Variants in CPA6 observed in about 807,000 individuals in gnomAD.
CPA6 encodes the protein carboxypeptidase A6, also known as carboxypeptidase B.
Under a neutral mutation model 63.3 loss-of-function variants are expected in CPA6, and 58 were observed. The ratio of observed to expected loss-of-function variants is 0.92; its 90% CI spans 0.74 to 1.14. The LOEUF (loss-of-function observed/expected upper bound fraction) is 1.14, where lower values mean the gene tolerates loss of function less well. CPA6 is among the 50% of genes most tolerant of loss of function. The probability of loss-of-function intolerance (pLI) is 0.00; values close to 1 mark genes in which losing one functional copy is unlikely to be tolerated. For missense variants in CPA6, 565 were observed against 526.6 expected, an observed-to-expected ratio of 1.07 and a Z score of -0.71; for synonymous variants, 185 against 179.0, an observed-to-expected ratio of 1.03 and a Z score of -0.27.
chr8:67,528,780 G>A (rs998128620), intron 2 of CPA6, among the ~76,000 whole-genome samples: 9 of 151,664 alleles, frequency 5.9e-5, no homozygotes, highest in African/African-American at 9.7e-5. Flanking sequence ...TAAAACCACC[G>A]CCACTTGTTC....
intron 2 of CPA6, among the ~76,000 whole-genome samples, chr8:67,616,632 C>T (rs1449560062): frequency 6.6e-6 from 1 of 151,930 alleles, no homozygotes; most frequent in Non-Finnish European, 1.5e-5. Context: ...TTACCATTCT[C>T]TCACTAAGCA....
chr8:67,505,002 G>A (rs143789138), intron 6 of CPA6, among the ~76,000 whole-genome samples: 115 of 152,294 alleles, frequency 7.6e-4, no homozygotes, highest in African/African-American at 2.6e-3. Flanking sequence ...ACTGCCCTCA[G>A]TTGACAGTCA....
At chr8:67,681,735 T>C (rs991738442) in intron 1 of CPA6, among the ~76,000 whole-genome samples, 5 of 152,220 alleles carry the variant, frequency 3.3e-5, no homozygotes, top group African/African-American at 1.2e-4. Flanking sequence ...TTTCCATTCC[T>C]GAATTATCTA....
At chr8:67,486,291 C>T (rs1325924033) in intron 6 of CPA6, among the ~76,000 whole-genome samples, 1 of 152,214 alleles carries the variant, frequency 6.6e-6, no homozygotes, top group Non-Finnish European at 1.5e-5. Context: ...CAATGGATTG[C>T]ATATGCCACT....
chr8:67,679,123 C>G (rs1816540024), intron 1 of CPA6, among the ~76,000 whole-genome samples: 1 of 152,124 alleles, frequency 6.6e-6, no homozygotes, highest in Non-Finnish European at 1.5e-5. Context: ...GTTTGGTTAT[C>G]AATTACATGG....
intron 2 of CPA6, among the ~76,000 whole-genome samples, chr8:67,594,810 T>C (rs1388476038): frequency 1.3e-5 from 2 of 152,190 alleles, no homozygotes; most frequent in Non-Finnish European, 2.9e-5. Flanking sequence ...TTCAACTTCT[T>C]TGCCTTTGGT....
intron 2 of CPA6, among the ~76,000 whole-genome samples, chr8:67,524,506 C>T (rs941929879): frequency 2.0e-5 from 3 of 152,250 alleles, no homozygotes; most frequent in East Asian, 1.9e-4. Flanking sequence ...CACATCACTC[C>T]AGTTTATGCC....
chr8:67,509,470 A>G (rs778925771), intron 5 of CPA6, 47 bp downstream of exon 5: 2 of 882,082 alleles, frequency 2.3e-6, no homozygotes, highest in Admixed American at 2.2e-5. Context: ...AAAAAGATGG[A>G]TATTTGGTAA....
chr8:67,697,268 G>T (rs890371826), intron 1 of CPA6, among the ~76,000 whole-genome samples: 4 of 152,210 alleles, frequency 2.6e-5, no homozygotes, highest in South Asian at 4.1e-4. Context: ...CTCCACGGAA[G>T]TAGTTTGTTG....
intron 1 of CPA6, among the ~76,000 whole-genome samples, 176 bp from the exon 2 acceptor site, chr8:67,624,427 C>T (rs1030437432): frequency 2.6e-5 from 4 of 152,156 alleles, no homozygotes; most frequent in Admixed American, 2.6e-4. Flanking sequence ...TTCTTTTCTT[C>T]TTGTCTTAAA....
intron 8 of CPA6, among the ~76,000 whole-genome samples, chr8:67,443,978 T>C (rs1374713054): frequency 6.6e-6 from 1 of 151,494 alleles, no homozygotes; most frequent in South Asian, 2.1e-4. Context: ...CTTGGCCAAC[T>C]TAGACATCCG....
intron 1 of CPA6, among the ~76,000 whole-genome samples, chr8:67,733,629 A>G (rs1286583268): frequency 1.3e-5 from 2 of 152,288 alleles, no homozygotes; most frequent in East Asian, 3.9e-4. Context: ...TTTATTCACT[A>G]GGACTTAAAG....
chr8:67,645,179 G>A (rs1362385189), intron 1 of CPA6, among the ~76,000 whole-genome samples: 1 of 152,162 alleles, frequency 6.6e-6, no homozygotes, highest in African/African-American at 2.4e-5. Context: ...ATATCACATT[G>A]TATCATATAT....
intron 10 of CPA6, among the ~76,000 whole-genome samples, chr8:67,427,187 A>G (rs187934026): frequency 2.6e-5 from 4 of 152,332 alleles, no homozygotes; most frequent in Admixed American, 2.0e-4. Context: ...ACTTGAATTC[A>G]AGGCTGCAGT....
intron 1 of CPA6, among the ~76,000 whole-genome samples, chr8:67,657,075 G>A (rs1047271676): frequency 5.3e-5 from 8 of 152,130 alleles, no homozygotes; most frequent in African/African-American, 1.9e-4. Flanking sequence ...TGGTGTCTCC[G>A]GATTCAGGAC....
chr8:67,628,012 C>T (rs971334700), intron 1 of CPA6, among the ~76,000 whole-genome samples: 1 of 152,048 alleles, frequency 6.6e-6, no homozygotes, highest in Non-Finnish European at 1.5e-5. Flanking sequence ...GGGATGATCT[C>T]CCAGCTGCCT....
At chr8:67,518,707 C>T (rs1812200769) in intron 2 of CPA6, among the ~76,000 whole-genome samples, 1 of 151,762 alleles carries the variant, frequency 6.6e-6, no homozygotes, top group Non-Finnish European at 1.5e-5. Flanking sequence ...GACAGGGTTT[C>T]ACCATATTGG....
At chr8:67,445,647 AACTT>A (rs1470403729) in intron 8 of CPA6, among the ~76,000 whole-genome samples, 3 of 152,202 alleles carry the variant, frequency 2.0e-5, no homozygotes, top group African/African-American at 7.2e-5. Flanking sequence ...GATGAAATCT[AACTT>A]AAATAACTTA....
intron 8 of CPA6, among the ~76,000 whole-genome samples, chr8:67,482,994 A>G (rs1230713148): frequency 6.6e-6 from 1 of 152,224 alleles, no homozygotes; most frequent in Non-Finnish European, 1.5e-5. Context: ...TCATTGTAGA[A>G]TGAGTGAATG....
Sources: allele counts gnomAD v4.1 joint callset (sites outside exome capture counted in the v4.1 genomes callset), GRCh38; gene constraint gnomAD v4.1.1; transcripts MANE v1.5; gene names NCBI Gene and HGNC (gene_info 2026-07-23, HGNC 2026-07-21).